The following COMMD7 variants were observed in gnomAD, a reference collection of about 807,000 sequenced individuals.
The protein encoded by COMMD7 is COMM domain containing 7.
A neutral mutation model predicts 34.8 loss-of-function variants in COMMD7; 28 were observed. That is an observed-to-expected ratio of 0.80 (90% CI 0.60 to 1.10). The LOEUF is 1.10. COMMD7 is among the 50% of genes least tolerant of loss of function. COMMD7 has a pLI of 0.00. For missense variants in COMMD7, 211 were observed against 241.6 expected (o/e 0.87, Z 0.84); for synonymous variants, 80 against 86.4 (o/e 0.93, Z 0.41).
intron 1 of COMMD7, among the ~76,000 whole-genome samples, chr20:32,735,143 C>A (rs1986065686): frequency 6.7e-6 from 1 of 150,144 alleles, no homozygotes; most frequent in Admixed American, 6.7e-5. Context: ...GAGGCTGAGG[C>A]AGGAGAACTG....
rs139507284 is a variant in COMMD7, at chr20:32,717,532, G to A, written c.241+10361C>T. ...GTAGAGACAGGGTTTTGCCATGTTG[G>A]CCAGGCTGGTCTCAAACTCTTGACC... On this transcript the variant is annotated intron_variant, in intron 3 of 8. Transcript: ENST00000278980. Among the ~76,000 whole-genome samples the A allele has an allele frequency of 3.3e-3, 506 of 151,822 alleles. 11 individuals are homozygous for A. In the East Asian group the frequency reaches 0.066, roughly 20 times the overall value.
At chr20:32,709,776 C>T (rs912008170) in intron 3 of COMMD7, among the ~76,000 whole-genome samples, 3 of 152,306 alleles carry the variant, frequency 2.0e-5, no homozygotes, top group Admixed American at 2.0e-4. Flanking sequence ...GCCATTTGCC[C>T]TTGCAGTTCT....
At chr20:32,709,597 C>T (rs1439246351) in intron 3 of COMMD7, among the ~76,000 whole-genome samples, 4 of 152,138 alleles carry the variant, frequency 2.6e-5, no homozygotes, top group Non-Finnish European at 5.9e-5. Context: ...CAGGTCAGAC[C>T]ATGCTATTTT....
In COMMD7 at chr20:32,703,533, C is replaced by G. The variant is rs1293270068; in HGVS notation, c.527-75G>C. 8 of 1,553,908 alleles carry G rather than the reference C, an allele frequency of 5.1e-6. No homozygotes were observed. The East Asian group carries it at 1.6e-4, about 31-fold the overall frequency. On this transcript the variant is annotated intron_variant, in intron 8 of 8. Transcript: ENST00000278980. ...TCATCCAAGAAAATTAATTTCCACC[C>G]GGAGGATTTTTTTTTTCTTTTTTGG...
chr20:32,721,311 T>A (rs1421031274), intron 3 of COMMD7, among the ~76,000 whole-genome samples: 3 of 152,070 alleles, frequency 2.0e-5, no homozygotes, highest in Non-Finnish European at 4.4e-5. Context: ...CTGACTCTAT[T>A]TATTTTTTAA....
At chr20:32,728,064 C>T (rs762292273) in intron 2 of COMMD7, 25 bp downstream of exon 2, 3 of 1,613,380 alleles carry the variant, frequency 1.9e-6, no homozygotes, top group Non-Finnish European at 2.5e-6. Context: ...CGGACCCACT[C>T]CCTAACACAG....
At chr20:32,729,873 C>T (rs570937754) in intron 1 of COMMD7, among the ~76,000 whole-genome samples, 3 of 151,708 alleles carry the variant, frequency 2.0e-5, no homozygotes, top group African/African-American at 7.2e-5. Context: ...ATTAGCCAGG[C>T]GTGGTGGCGT....
chr20:32,705,427 G>A (rs1207599803), intron 5 of COMMD7, among the ~76,000 whole-genome samples: 2 of 150,158 alleles, frequency 1.3e-5, no homozygotes, highest in African/African-American at 4.9e-5. Flanking sequence ...AGGCTAGAGT[G>A]CAGTGGCATG....
At chr20:32,733,588 C>T (rs1284453417) in intron 1 of COMMD7, among the ~76,000 whole-genome samples, 1 of 151,908 alleles carries the variant, frequency 6.6e-6, no homozygotes, top group Non-Finnish European at 1.5e-5. Flanking sequence ...AGTGTGGTGG[C>T]ACGTGCCTAT....
intron 3 of COMMD7, among the ~76,000 whole-genome samples, chr20:32,715,521 C>T (rs1290426467): frequency 6.6e-6 from 1 of 151,014 alleles, no homozygotes; most frequent in African/African-American, 2.4e-5. Context: ...AATAAAAAAA[C>T]AGGCGGCCAG....
At chr20:32,713,477 G>A (rs1984592606) in intron 3 of COMMD7, among the ~76,000 whole-genome samples, 1 of 152,230 alleles carries the variant, frequency 6.6e-6, no homozygotes, top group Non-Finnish European at 1.5e-5. Context: ...TGGAAAAACA[G>A]CAAACATTGT....
chr20:32,735,299 T>C (rs1333328084), intron 1 of COMMD7, among the ~76,000 whole-genome samples: 3 of 151,942 alleles, frequency 2.0e-5, no homozygotes, highest in East Asian at 1.9e-4. Flanking sequence ...TTTATTTCTA[T>C]AAAAATAACT....
intron 3 of COMMD7, among the ~76,000 whole-genome samples, chr20:32,711,139 A>G (rs28421806): frequency 0.69 from 105,309 of 151,798 alleles, 37,200 homozygotes; most frequent in Middle Eastern, 0.82. Flanking sequence ...GCTCACGCCC[A>G]TAATCCCAGC....
intron 1 of COMMD7, among the ~76,000 whole-genome samples, chr20:32,737,235 G>A (rs1221027960): frequency 6.6e-6 from 1 of 150,934 alleles, no homozygotes; most frequent in Non-Finnish European, 1.5e-5. Context: ...CTGGGTGTGA[G>A]GGAGGGCACC....
At chr20:32,703,667 T>C (rs950000937) in intron 8 of COMMD7, 31 of 1,435,806 alleles carry the variant, frequency 2.2e-5, no homozygotes, top group Non-Finnish European at 2.8e-5. Context: ...GGAGTGAGTG[T>C]TCAAATGGCA....
intron 3 of COMMD7, among the ~76,000 whole-genome samples, chr20:32,722,569 C>T (rs915151510): frequency 6.6e-6 from 1 of 151,652 alleles, no homozygotes; most frequent in African/African-American, 2.4e-5. Flanking sequence ...ACTAAAAATA[C>T]AAAAATTAGC....
At chr20:32,741,237 C>T (rs185789369) in intron 1 of COMMD7, among the ~76,000 whole-genome samples, 2 of 151,968 alleles carry the variant, frequency 1.3e-5, no homozygotes, top group East Asian at 3.9e-4. Context: ...ATGGGGGTCT[C>T]ACTATGCTGC....
intron 1 of COMMD7, among the ~76,000 whole-genome samples, chr20:32,730,733 T>C (rs965696967): frequency 1.3e-5 from 2 of 152,014 alleles, no homozygotes; most frequent in Non-Finnish European, 2.9e-5. Flanking sequence ...AAAACAAAGG[T>C]AAGAATACAC....
At chr20:32,721,323 T>C (rs1463781017) in intron 3 of COMMD7, among the ~76,000 whole-genome samples, 1 of 152,012 alleles carries the variant, frequency 6.6e-6, no homozygotes, top group Admixed American at 6.6e-5. Context: ...ATTTTTTAAA[T>C]AATAGGCCGG....
Sources: allele counts gnomAD v4.1 joint callset (sites outside exome capture counted in the v4.1 genomes callset), GRCh38; gene constraint gnomAD v4.1.1; transcripts MANE v1.5; gene names NCBI Gene and HGNC (gene_info 2026-07-23, HGNC 2026-07-21).